NTAQ1: variants seen among roughly 807,000 people sequenced by gnomAD.
NTAQ1 encodes protein N-terminal glutamine amidohydrolase.
NTAQ1 carries 21 observed loss-of-function variants against 28.2 expected under a neutral mutation model. The observed-to-expected ratio is 0.74, with a 90% CI of 0.53 to 1.07. The LOEUF is 1.07. Among genes scored for constraint, NTAQ1 ranks in the 50% least tolerant of loss-of-function variants. The probability of loss-of-function intolerance (pLI) is 0.00; values close to 1 mark genes in which losing one functional copy is unlikely to be tolerated. For synonymous variants in NTAQ1, 105 were observed against 90.0 expected, an observed-to-expected ratio of 1.17 and a Z score of -0.94; for missense variants, 264 against 256.6, an observed-to-expected ratio of 1.03 and a Z score of -0.20.
At chr8:123,446,949 T>A (rs1449277166), downstream of NTAQ1, among the ~76,000 whole-genome samples, 3 of 152,190 alleles carry the variant, frequency 2.0e-5, no homozygotes, top group African/African-American at 7.2e-5. Flanking sequence ...GACCACGTCC[T>A]GATCTCTCCA....
intron 1 of NTAQ1, among the ~76,000 whole-genome samples, chr8:123,419,246 C>T (rs1813518256): frequency 1.3e-5 from 2 of 151,906 alleles, no homozygotes; most frequent in African/African-American, 4.8e-5. Flanking sequence ...CTACAGGCAC[C>T]CACCACCATG....
In NTAQ1 at chr8:123,420,490, A is replaced by G. The variant is rs138739505; in HGVS notation, c.83+3558A>G. Among the ~76,000 whole-genome samples, 1,001 of 152,148 alleles carry G rather than the reference A, an allele frequency of 6.6e-3. 4 individuals are homozygous for G. The highest frequency in any genetic ancestry group is 0.023 in the African/African-American group (971 of 41,512). ...GTTTCAAGTTCTTTGAAAAATCTCC[A>G]AACTGCTTTCCACAGTGGCTTAACT... On this transcript the variant is annotated intron_variant, in intron 1 of 5. Transcript: ENST00000287387.
At chr8:123,450,837 T>G (rs1815469611), downstream of NTAQ1, among the ~76,000 whole-genome samples, 1 of 152,236 alleles carries the variant, frequency 6.6e-6, no homozygotes, top group South Asian at 2.1e-4. Context: ...TGATCTTTAT[T>G]TTTTCTTTCT....
At chr8:123,458,074 CA>C (rs1815703697) in intron 6 of NTAQ1, among the ~76,000 whole-genome samples, 2 of 87,300 alleles carry the variant, frequency 2.3e-5, no homozygotes, top group African/African-American at 8.1e-5. Flanking sequence ...AAAAAAAAAA[CA>C]AATAAATCAC....
intron 6 of NTAQ1, among the ~76,000 whole-genome samples, chr8:123,463,062 A>G (rs892549961): frequency 5.3e-5 from 8 of 152,182 alleles, no homozygotes; most frequent in African/African-American, 1.2e-4. Flanking sequence ...GGAAGTGACT[A>G]TTCCTGCTCT....
At chr8:123,427,529 A>G (rs565578437) in intron 1 of NTAQ1, among the ~76,000 whole-genome samples, 85 of 152,156 alleles carry the variant, frequency 5.6e-4, no homozygotes, top group Non-Finnish European at 8.2e-4. Context: ...CGGCCTCCCA[A>G]AGTGCTGGGA....
At chr8:123,444,085 A>G (rs545900526), downstream of NTAQ1, among the ~76,000 whole-genome samples, 27 of 151,182 alleles carry the variant, frequency 1.8e-4, no homozygotes, top group East Asian at 1.4e-3. Flanking sequence ...AACTAAGACA[A>G]TTTTTCTTTT....
At chr8:123,467,159 C>A (rs1300245440) in exon 7 of NTAQ1, 3 of 151,866 alleles carry the variant, frequency 2.0e-5, no homozygotes, top group African/African-American at 7.3e-5. Context: ...GATCCTCAGC[C>A]TCCCTCAGCT....
At chr8:123,460,147 A>T (rs1173824976) in intron 6 of NTAQ1, among the ~76,000 whole-genome samples, 8 of 150,378 alleles carry the variant, frequency 5.3e-5, no homozygotes, top group Non-Finnish European at 8.9e-5. Flanking sequence ...TGATTTCTTT[A>T]AAAAAAAAAT....
At chr8:123,421,725 G>A (rs1284334119) in intron 1 of NTAQ1, among the ~76,000 whole-genome samples, 8 of 147,108 alleles carry the variant, frequency 5.4e-5, no homozygotes, top group Non-Finnish European at 1.0e-4. Context: ...GTCTTGCTCT[G>A]TTGCTCAGGC....
intron 1 of NTAQ1, among the ~76,000 whole-genome samples, chr8:123,425,938 C>T (rs1243236266): frequency 1.3e-5 from 2 of 152,070 alleles, no homozygotes; most frequent in Non-Finnish European, 2.9e-5. Flanking sequence ...GCAGGAGAAT[C>T]GCTTGAATCC....
chr8:123,464,335 A>G (rs1040136546), intron 6 of NTAQ1, among the ~76,000 whole-genome samples: 39 of 152,200 alleles, frequency 2.6e-4, no homozygotes, highest in African/African-American at 9.4e-4. Flanking sequence ...GACTTGGAAT[A>G]GAAATGAGGG....
rs560381416 is a variant in NTAQ1, at chr8:123,435,892, G to C, written c.235-561G>C. Among the ~76,000 whole-genome samples the C allele has an allele frequency of 3.3e-5, 5 of 151,378 alleles. No homozygotes were observed. The East Asian group carries it at 9.7e-4, about 29-fold the overall frequency. ...AATTAAAAAAAATATGTGGGGCCAG[G>C]CACCGTGGCTCACACCTGTAATCCT... On this transcript the variant is annotated intron_variant, in intron 3 of 5. Coordinates refer to ENST00000287387, the MANE Select transcript of NTAQ1 (RefSeq NM_018024.3).
chr8:123,416,805 C>T lies in NTAQ1; in HGVS notation c.-45C>T, dbSNP rs913109005. 1.3e-5 allele frequency: 19 copies of T among 1,505,490 alleles called. No individual in the cohort carries two copies. The highest frequency in any genetic ancestry group is 8.6e-5 in the African/African-American group (6 of 69,664). The allele number at this position is 1,505,490 out of a possible 1,614,324, so 93.3% of individuals were successfully genotyped here. ...AGCCCGCCCTTTCCTACGTCTGGTC[C>T]AGTCGGTCTTCCTCCGGCCCGGGCC... is the stretch of plus-strand genomic sequence containing the variant. On this transcript the variant is annotated 5_prime_UTR_variant, in exon 1 of 6. Coordinates refer to ENST00000287387, the MANE Select transcript of NTAQ1 (RefSeq NM_018024.3).
rs532068456 is a variant in NTAQ1 at position 123,426,889 on chromosome 8, A to C, written c.84-1035A>C. On this transcript the variant is annotated intron_variant, in intron 1 of 5. Transcript: ENST00000287387. ...GCATGACAATCACTTGAACCTGAGA[A>C]GTGGAGGTTGCAGTGAGCCGAGATC... Among the ~76,000 whole-genome samples the C allele has an allele frequency of 4.1e-3, 624 of 150,600 alleles. 3 individuals carry two copies. The highest frequency in any genetic ancestry group is 7.1e-3 in the Non-Finnish European group (482 of 67,450).
chr8:123,472,246 C>T (rs989932958), downstream of NTAQ1, among the ~76,000 whole-genome samples: 4 of 152,188 alleles, frequency 2.6e-5, no homozygotes, highest in African/African-American at 9.7e-5. Context: ...CTTTGCCCTT[C>T]CTCCTTACTA....
In NTAQ1 at chr8:123,420,098, C is replaced by T. The variant is rs567218992; in HGVS notation, c.83+3166C>T. ...TACCCTCAAGTAGGCCCCATGTCTACTGTTTCCTTTTTTGTGTCCATGTGT... is the reference window on the plus strand; with the variant it reads ...TACCCTCAAGTAGGCCCCATGTCTATTGTTTCCTTTTTTGTGTCCATGTGT... On this transcript the variant is annotated intron_variant, in intron 1 of 5. Transcript: ENST00000287387. Among the ~76,000 whole-genome samples, 10 of 152,160 alleles carry T rather than the reference C, an allele frequency of 6.6e-5. No individual in the cohort carries two copies. The South Asian group carries it at 1.9e-3, about 28-fold the overall frequency.
intron 1 of NTAQ1, among the ~76,000 whole-genome samples, chr8:123,423,350 C>G (rs570521535): frequency 6.7e-6 from 1 of 149,766 alleles, no homozygotes; most frequent in African/African-American, 2.5e-5. Context: ...TCCTTCCTTT[C>G]CCTCCTTTCC....
Position 123,436,582 on chromosome 8 carries a change from A to G in NTAQ1, c.364A>G (p.Ile122Val). Residue 122 changes from isoleucine (I) to valine (V), a missense_variant, in exon 4 of 6, where the codon ATT becomes GTT. Physicochemically the swap from Ile to Val is conservative, Grantham distance 29 (BLOSUM62 3). Transcript: ENST00000287387. ...AGATGCCTTTAAGTCTGATGATGAC[A>G]TTCACCCACAGTTTAGGAGGTGAGG... ...VEDAFKSDDD[I>V]HPQFRRKFRV... 6.2e-7 allele frequency: 1 copy of G among 1,613,826 alleles called. No homozygotes were observed. The highest frequency in any genetic ancestry group is 8.5e-7 in the Non-Finnish European group (1 of 1,179,908).
Sources: gnomAD v4.1 joint callset for allele counts (sites outside exome capture counted in the v4.1 genomes callset) on GRCh38, gnomAD v4.1.1 for gene constraint, MANE v1.5 for transcripts, NCBI Gene and HGNC (gene_info 2026-07-23, HGNC 2026-07-21) for gene names.